UTRN: variants seen among roughly 807,000 people sequenced by gnomAD.
UTRN encodes utrophin.
Under a neutral mutation model 463.9 loss-of-function variants are expected in UTRN, and 283 were observed. The observed-to-expected ratio is 0.61, with a 90% CI of 0.55 to 0.67. The LOEUF is 0.67. Ranked by LOEUF, UTRN falls within the 30% of genes least tolerant of loss-of-function variation. The pLI, the probability that UTRN is intolerant of heterozygous loss-of-function variation, is 0.00. For missense variants in UTRN, 3,922 were observed against 4,084.3 expected, an observed-to-expected ratio of 0.96 and a Z score of 1.08; for synonymous variants, 1,442 against 1,431.5, an observed-to-expected ratio of 1.01 and a Z score of -0.17.
chr6:144,410,330 C>T (rs966042000), intron 3 of UTRN, among the ~76,000 whole-genome samples: 4 of 152,146 alleles, frequency 2.6e-5, no homozygotes, highest in Admixed American at 2.6e-4. Flanking sequence ...GTTGTGTATA[C>T]ATGGAATAAG....
chr6:144,814,153 C>T (rs1450205111), intron 65 of UTRN, among the ~76,000 whole-genome samples: 1 of 152,114 alleles, frequency 6.6e-6, no homozygotes, highest in Non-Finnish European at 1.5e-5. Flanking sequence ...GGAGATGGGG[C>T]CTTGGAAGTG....
chr6:144,545,153 G>T (rs1465320394), intron 46 of UTRN, among the ~76,000 whole-genome samples: 3 of 152,074 alleles, frequency 2.0e-5, no homozygotes, highest in Non-Finnish European at 4.4e-5. Context: ...TCATTTCCAT[G>T]TTCCATTCCA....
intron 51 of UTRN, among the ~76,000 whole-genome samples, chr6:144,623,197 C>G (rs564392213): frequency 6.6e-6 from 1 of 152,150 alleles, no homozygotes; most frequent in South Asian, 2.1e-4. Flanking sequence ...TTCTCTGGGC[C>G]TCAATTTCTT....
intron 40 of UTRN, among the ~76,000 whole-genome samples, chr6:144,522,755 C>G (rs544636766): frequency 5.3e-5 from 8 of 152,024 alleles, no homozygotes; most frequent in Non-Finnish European, 8.8e-5. Flanking sequence ...GTTACTGAAG[C>G]CTTTCATGTG....
intron 51 of UTRN, among the ~76,000 whole-genome samples, chr6:144,662,662 T>G (rs995751134): frequency 6.6e-6 from 1 of 152,238 alleles, no homozygotes; most frequent in Non-Finnish European, 1.5e-5. Flanking sequence ...GAGGGTCCAC[T>G]GTTGGACTAG....
chr6:144,570,838 C>T (rs138403771), intron 50 of UTRN, among the ~76,000 whole-genome samples: 3 of 152,306 alleles, frequency 2.0e-5, no homozygotes, highest in Non-Finnish European at 2.9e-5. Flanking sequence ...GTCCTTTATA[C>T]TTGCTAGGTA....
At chr6:144,744,608 C>CACACACACACACACACACACAT (rs1272729668) in intron 54 of UTRN, among the ~76,000 whole-genome samples, 2 of 101,158 alleles carry the variant, frequency 2.0e-5, no homozygotes, top group Admixed American at 1.1e-4. Flanking sequence ...AGGGCATACA[C>CACACACACACACACACACACAT]ACACACACAC....
chr6:144,458,679 C>G, intron 19 of UTRN, 91 bp from the exon 20 acceptor site: 1 of 1,419,210 alleles, frequency 7.0e-7, no homozygotes, highest in African/African-American at 1.4e-5. Context: ...GTGACATTGC[C>G]TCACTATTCT....
At position 144,612,540 on chromosome 6, in the gene UTRN, G is replaced by C. The variant is rs1481303924; in HGVS notation, c.7479+35252G>C. 2.0e-5 allele frequency among the ~76,000 whole-genome samples: 3 copies of C among 152,060 alleles called. No individual in the cohort carries two copies. The East Asian group carries it at 5.8e-4, about 29-fold the overall frequency. On this transcript the variant is annotated intron_variant, in intron 51 of 74. Coordinates refer to ENST00000367545, the MANE Select transcript of UTRN (RefSeq NM_007124.3). ...ATAAACTGATTTAAAAATTGACAAA[G>C]TACCTGAACAGACATTTCCCAAAAG...
At chr6:144,632,661 G>C (rs549574069) in intron 51 of UTRN, among the ~76,000 whole-genome samples, 2 of 150,698 alleles carry the variant, frequency 1.3e-5, no homozygotes, top group East Asian at 3.9e-4. Flanking sequence ...CCCGTGATTT[G>C]TTTTCACAAA....
intron 9 of UTRN, among the ~76,000 whole-genome samples, chr6:144,433,314 G>T (rs1485999809): frequency 4.7e-5 from 7 of 149,522 alleles, no homozygotes; most frequent in Non-Finnish European, 1.0e-4. Flanking sequence ...CGGGTGGGGG[G>T]CTGAACCCCC....
At chr6:144,315,491 G>C (rs1220386909) in intron 2 of UTRN, among the ~76,000 whole-genome samples, 1 of 152,182 alleles carries the variant, frequency 6.6e-6, no homozygotes, top group Non-Finnish European at 1.5e-5. Flanking sequence ...AGTTGGACAG[G>C]GCCCGATGCC....
At chr6:144,530,903 A>G in intron 41 of UTRN, 149 bp from the exon 42 acceptor site, 3 of 823,868 alleles carry the variant, frequency 3.6e-6, no homozygotes, top group South Asian at 1.9e-5. Context: ...TCCCACTACG[A>G]AAATTGGTTT....
chr6:144,818,751 T>C (rs1239078610), intron 65 of UTRN, among the ~76,000 whole-genome samples: 1 of 152,222 alleles, frequency 6.6e-6, no homozygotes, highest in African/African-American at 2.4e-5. Context: ...ATCTCTACAC[T>C]AAATTATCTG....
At chr6:144,713,874 C>A (rs1167803770) in intron 53 of UTRN, among the ~76,000 whole-genome samples, 1 of 149,238 alleles carries the variant, frequency 6.7e-6, no homozygotes, top group East Asian at 2.0e-4. Flanking sequence ...GAGCCGAGAT[C>A]GCGCCATTGC....
Position 144,459,313 on chromosome 6 carries a change from T to C in UTRN, c.2666T>C (p.Val889Ala). 1 of 1,613,308 alleles carries C rather than the reference T, an allele frequency of 6.2e-7. No individual in the cohort carries two copies. Among genetic ancestry groups the C allele is most frequent in the Non-Finnish European group, 8.5e-7 (1 of 1,179,764 alleles). Residue 889 changes from valine (V) to alanine (A), a missense_variant, in exon 21 of 75, where the codon GTA becomes GCA. Val to Ala is a moderately conservative substitution (Grantham distance 64). Transcript: ENST00000367545. ...FDSFLGRYQAVQEAVEDRQQH... is the reference protein window; with the variant it reads ...FDSFLGRYQAAQEAVEDRQQH... Reference sequence around the variant, plus strand: ...AGCTTTCTGGGCCGCTACCAAGCTGTACAAGAGGCTGTAGAGGATCGTCAA... The same window carrying C: ...AGCTTTCTGGGCCGCTACCAAGCTGCACAAGAGGCTGTAGAGGATCGTCAA...
At chr6:144,527,166 C>T (rs1796642444) in intron 41 of UTRN, among the ~76,000 whole-genome samples, 2 of 152,158 alleles carry the variant, frequency 1.3e-5, no homozygotes, top group Admixed American at 6.5e-5. Context: ...ACTTAGAGCT[C>T]CTTTTAGCAA....
intron 3 of UTRN, among the ~76,000 whole-genome samples, chr6:144,417,120 G>C (rs74559014): frequency 0.035 from 5,295 of 150,960 alleles, 301 homozygotes; most frequent in African/African-American, 0.12. Flanking sequence ...TGGTGTACTA[G>C]AAAAAAAAAT....
chr6:144,514,914 T>C, intron 37 of UTRN, 94 bp downstream of exon 37: 1 of 1,303,378 alleles, frequency 7.7e-7, no homozygotes, highest in Non-Finnish European at 1.0e-6. Context: ...TTTTGTTTTA[T>C]TATTTTAATT....
Sources: gnomAD v4.1 joint callset for allele counts (sites outside exome capture counted in the v4.1 genomes callset) on GRCh38, gnomAD v4.1.1 for gene constraint, MANE v1.5 for transcripts, NCBI Gene and HGNC (gene_info 2026-07-23, HGNC 2026-07-21) for gene names.